SIL1: variants seen among roughly 807,000 people sequenced by gnomAD.
SIL1 encodes the protein SIL1 nucleotide exchange factor.
Under a neutral mutation model 49.1 loss-of-function variants are expected in SIL1, and 40 were observed. The ratio of observed to expected loss-of-function variants is 0.81; its 90% CI spans 0.63 to 1.06. The LOEUF (loss-of-function observed/expected upper bound fraction) is 1.06. Ranked by LOEUF, SIL1 falls within the 50% of genes least tolerant of loss-of-function variation. The probability of loss-of-function intolerance (pLI) is 0.00; values close to 1 mark genes in which losing one functional copy is unlikely to be tolerated. For missense variants in SIL1, 500 were observed against 572.6 expected, an observed-to-expected ratio of 0.87 and a Z score of 1.29; for synonymous variants, 253 against 250.8, an observed-to-expected ratio of 1.01 and a Z score of -0.08.
chr5:139,120,467 T>C (rs886874918), intron 3 of SIL1, among the ~76,000 whole-genome samples: 1 of 152,150 alleles, frequency 6.6e-6, no homozygotes, highest in African/African-American at 2.4e-5. Flanking sequence ...GTACAGTACC[T>C]GAATATGGTG....
At chr5:139,005,271 AAAG>A (rs1171776045) in intron 7 of SIL1, among the ~76,000 whole-genome samples, 1 of 152,082 alleles carries the variant, frequency 6.6e-6, no homozygotes, top group Non-Finnish European at 1.5e-5. Flanking sequence ...TTTTAATTTA[AAAG>A]AAGTTCTAGT....
At chr5:139,135,944 G>A (rs1750967246) in intron 1 of SIL1, among the ~76,000 whole-genome samples, 1 of 152,092 alleles carries the variant, frequency 6.6e-6, no homozygotes. Flanking sequence ...GTGCACGCCT[G>A]TAATCCCAGC....
At chr5:138,961,832 C>T (rs1254667944) in intron 7 of SIL1, among the ~76,000 whole-genome samples, 2 of 152,186 alleles carry the variant, frequency 1.3e-5, no homozygotes, top group Admixed American at 6.5e-5. Context: ...GTTCAGACAT[C>T]ATATCTACTT....
At chr5:138,979,335 TTACAGGC>T (rs2150398014) in intron 7 of SIL1, among the ~76,000 whole-genome samples, 1 of 152,314 alleles carries the variant, frequency 6.6e-6, no homozygotes, top group East Asian at 1.9e-4. Context: ...AGTGCTGGGA[TTACAGGC>T]GTGAGCCACA....
intron 7 of SIL1, among the ~76,000 whole-genome samples, chr5:138,987,321 C>T (rs1307993280): frequency 2.0e-5 from 3 of 151,590 alleles, no homozygotes; most frequent in Admixed American, 6.6e-5. Flanking sequence ...CCATGTTGGC[C>T]AGGCTGGTCT....
At chr5:139,149,261 A>G (rs905941330) in intron 1 of SIL1, among the ~76,000 whole-genome samples, 2 of 152,252 alleles carry the variant, frequency 1.3e-5, no homozygotes, top group Non-Finnish European at 2.9e-5. Context: ...TATTTTTGCA[A>G]AAACATTTTT....
At position 138,948,029 on chromosome 5, in the gene SIL1, C is replaced by T. The variant is rs559386046; in HGVS notation, c.1030-556G>A. Among the ~76,000 whole-genome samples, 141 of 152,270 alleles carry T rather than the reference C, an allele frequency of 9.3e-4. No homozygotes were observed. The highest frequency in any genetic ancestry group is 1.5e-3 in the Non-Finnish European group (102 of 68,030). On this transcript the variant is annotated intron_variant, in intron 9 of 9. Transcript: ENST00000394817. This position sits in a 1 kb window ranked among gnomAD's most constrained non-coding sequence, Gnocchi z 4.8. ...TGAACCATGACAAGCAGGCAGGTTA[C>T]CTGAAGGTCAGAGGTAGAGGGTTGG...
chr5:139,160,409 T>C (rs1751488762), intron 1 of SIL1, among the ~76,000 whole-genome samples: 1 of 152,182 alleles, frequency 6.6e-6, no homozygotes, highest in South Asian at 2.1e-4. Context: ...AGAGCCTTAA[T>C]AATGATTTTT....
At chr5:139,118,198 G>A (rs1179112005) in intron 3 of SIL1, among the ~76,000 whole-genome samples, 1 of 152,188 alleles carries the variant, frequency 6.6e-6, no homozygotes, top group South Asian at 2.1e-4. Flanking sequence ...TTGAGGGAGA[G>A]AGGACATTTC....
chr5:139,034,165 G>A (rs951400617), intron 5 of SIL1, among the ~76,000 whole-genome samples: 3 of 151,836 alleles, frequency 2.0e-5, no homozygotes, highest in African/African-American at 7.3e-5. Flanking sequence ...TGTATGATAT[G>A]CTTTCCATTC....
chr5:138,965,524 G>C (rs369267850), intron 7 of SIL1, among the ~76,000 whole-genome samples: 1 of 151,942 alleles, frequency 6.6e-6, no homozygotes, highest in Non-Finnish European at 1.5e-5. Flanking sequence ...TACTGCACTG[G>C]GACAAGAGGC....
intron 7 of SIL1, among the ~76,000 whole-genome samples, chr5:138,958,746 C>A (rs926851658): frequency 6.6e-6 from 1 of 151,516 alleles, no homozygotes; most frequent in South Asian, 2.1e-4. Context: ...AAAAGAAAAT[C>A]CAAAACATTT....
chr5:138,960,207 A>T (rs1027397387), intron 7 of SIL1, among the ~76,000 whole-genome samples: 1 of 152,148 alleles, frequency 6.6e-6, no homozygotes, highest in Non-Finnish European at 1.5e-5. Flanking sequence ...ACTGTCATGT[A>T]TCTTACATGG....
At chr5:138,964,737 G>T (rs1205033519) in intron 7 of SIL1, among the ~76,000 whole-genome samples, 1 of 152,200 alleles carries the variant, frequency 6.6e-6, no homozygotes, top group Non-Finnish European at 1.5e-5. Flanking sequence ...GAAACAAAAG[G>T]CTTGACGATT....
At chr5:139,080,220 T>A (rs1314294503) in intron 3 of SIL1, among the ~76,000 whole-genome samples, 3 of 152,240 alleles carry the variant, frequency 2.0e-5, no homozygotes, top group Non-Finnish European at 2.9e-5. Flanking sequence ...TTAGGTTTTT[T>A]AATTAAGAAG....
chr5:139,082,568 G>T (rs1770106995), intron 3 of SIL1, among the ~76,000 whole-genome samples: 1 of 152,224 alleles, frequency 6.6e-6, no homozygotes, highest in East Asian at 1.9e-4. Context: ...AAGAGAAATT[G>T]GTGGAGACTG....
At chr5:139,092,919 G>C (rs1481098079) in intron 3 of SIL1, among the ~76,000 whole-genome samples, 7 of 152,208 alleles carry the variant, frequency 4.6e-5, no homozygotes, top group Admixed American at 3.9e-4. Context: ...ATTAGGTCAT[G>C]AGGGCTTTGC....
chr5:139,195,252 G>C (rs933001823), intron 1 of SIL1, among the ~76,000 whole-genome samples: 1 of 151,890 alleles, frequency 6.6e-6, no homozygotes, highest in African/African-American at 2.4e-5. Flanking sequence ...ATGTTCTTTT[G>C]AATATTCTCA....
At chr5:139,133,071 A>T (rs907754619) in intron 1 of SIL1, among the ~76,000 whole-genome samples, 1 of 152,164 alleles carries the variant, frequency 6.6e-6, no homozygotes, top group African/African-American at 2.4e-5. Flanking sequence ...TGCAAAAAAA[A>T]AAAAATCCTT....
Sources: allele counts gnomAD v4.1 joint callset (sites outside exome capture counted in the v4.1 genomes callset), GRCh38; gene constraint gnomAD v4.1.1; non-coding constraint Gnocchi (gnomAD v3.1); transcripts MANE v1.5; gene names NCBI Gene and HGNC (gene_info 2026-07-23, HGNC 2026-07-21).